RGS3: variants seen among roughly 807,000 people sequenced by gnomAD.
RGS3 encodes regulator of G protein signaling 3, also known as regulator of G-protein signalling 3.
RGS3 carries 80 observed loss-of-function variants against 132.6 expected under a neutral mutation model. That is an observed-to-expected ratio of 0.60 (90% confidence interval 0.50 to 0.73). The LOEUF (loss-of-function observed/expected upper bound fraction) is 0.73. RGS3 is among the 30% of genes least tolerant of loss of function. RGS3 has a pLI of 0.00. For synonymous variants in RGS3, 598 were observed against 620.6 expected (o/e 0.96, Z 0.54); for missense variants, 1,382 against 1,530.8 (o/e 0.90, Z 1.62).
chr9:113,499,226 C>CAAAAA (rs57507668), intron 10 of RGS3, among the ~76,000 whole-genome samples: 2 of 60,690 alleles, frequency 3.3e-5, no homozygotes, highest in South Asian at 5.9e-4. Flanking sequence ...GATTCCATCT[C>CAAAAA]AAAAAAAAAA....
chr9:113,525,301 C>A (rs978344128), intron 17 of RGS3, among the ~76,000 whole-genome samples: 14 of 152,268 alleles, frequency 9.2e-5, no homozygotes, highest in Non-Finnish European at 1.3e-4. Flanking sequence ...AGAGCCCTTG[C>A]CTTCCCCCAG....
At position 113,507,324 on chromosome 9, in the gene RGS3, A is replaced by T; in HGVS notation, c.1123A>T (p.Met375Leu). 1.2e-6 allele frequency: 2 copies of T among 1,613,798 alleles called. No individual in the cohort carries two copies. Among genetic ancestry groups the T allele is most frequent in the Non-Finnish European group, 1.7e-6 (2 of 1,179,960 alleles). ...TGAGATCATCCTACTCGTGTGGCGC[A>T]TGGTCCCCCAGGTCAAGCCAGGACC... Residue 375 changes from methionine to leucine, a missense_variant, in exon 13 of 25, where the codon ATG becomes TTG. By Grantham distance (15) the Met-to-Leu change is conservative (BLOSUM62 2). Transcript: ENST00000350696. The surrounding 1 kb of genome is among the most constrained non-coding windows in gnomAD (Gnocchi z 5.0).
intron 3 of RGS3, among the ~76,000 whole-genome samples, chr9:113,464,814 A>G (rs754259352): frequency 6.6e-6 from 1 of 152,156 alleles, no homozygotes; most frequent in Non-Finnish European, 1.5e-5. Context: ...CCAGCTTTCA[A>G]AGACAGAGTG....
intron 19 of RGS3, among the ~76,000 whole-genome samples, chr9:113,571,024 C>T (rs1049698600): frequency 6.6e-6 from 1 of 152,184 alleles, no homozygotes; most frequent in Admixed American, 6.5e-5. Flanking sequence ...TTCATGCTGA[C>T]TTCTTTTGAT....
At chr9:113,446,835 C>G (rs941045801) in intron 1 of RGS3, among the ~76,000 whole-genome samples, 8 of 152,132 alleles carry the variant, frequency 5.3e-5, no homozygotes, top group Admixed American at 2.6e-4. Flanking sequence ...GTTGATGATC[C>G]TGACAGATTA....
intron 8 of RGS3, among the ~76,000 whole-genome samples, chr9:113,496,333 A>G (rs1484700902): frequency 6.6e-6 from 1 of 152,134 alleles, no homozygotes; most frequent in Non-Finnish European, 1.5e-5. Context: ...TTGGGACCCA[A>G]GACTCCTAGC....
chr9:113,514,666 G>A lies in RGS3; in HGVS notation c.1674+12G>A. On this transcript the variant is annotated intron_variant, in intron 15 of 24. Coordinates refer to ENST00000350696, the Ensembl canonical transcript of RGS3. ...CTGTCTTTGTTCAGGTGAGCCCGTG[G>A]CTGGTCTTAAAGGTTCCCTCAGGAG... 6.2e-7 allele frequency: 1 copy of A among 1,612,330 alleles called. No homozygotes were observed. Among genetic ancestry groups the A allele is most frequent in the Non-Finnish European group, 8.5e-7 (1 of 1,179,568 alleles).
chr9:113,542,581 C>G (rs1396523002), intron 19 of RGS3, among the ~76,000 whole-genome samples: 2 of 152,180 alleles, frequency 1.3e-5, no homozygotes, highest in African/African-American at 4.8e-5. Context: ...CCCCATCCCC[C>G]TGCCTACCCT....
At chr9:113,590,334 C>A (rs943604574) in intron 20 of RGS3, among the ~76,000 whole-genome samples, 4 of 151,646 alleles carry the variant, frequency 2.6e-5, no homozygotes, top group Non-Finnish European at 4.4e-5. Context: ...TCCACTCATC[C>A]ACTCCTTCAT....
intron 19 of RGS3, among the ~76,000 whole-genome samples, chr9:113,572,925 G>C (rs1834354331): frequency 6.6e-6 from 1 of 152,254 alleles, no homozygotes; most frequent in Admixed American, 6.5e-5. Flanking sequence ...GTAAGGGTCA[G>C]AATACGTCAA....
chr9:113,498,101 G>A (rs760110044), intron 10 of RGS3, 21 bp downstream of exon 8: 2 of 1,612,296 alleles, frequency 1.2e-6, no homozygotes, highest in Middle Eastern at 1.7e-4. Context: ...ACAAGCTAGG[G>A]CATTGCTCCA....
chr9:113,490,717 A>AAAT, intron 7 of RGS3, among the ~76,000 whole-genome samples: 3 of 142,566 alleles, frequency 2.1e-5, no homozygotes, highest in African/African-American at 5.1e-5. Flanking sequence ...ATATTGGTAT[A>AAAT]TATAATTATA....
chr9:113,517,545 T>C, exon 16 of RGS3: 1 of 1,613,016 alleles, frequency 6.2e-7, no homozygotes, highest in East Asian at 2.2e-5. Flanking sequence ...TTCCAGCCTC[T>C]AGATCTCTGT....
chr9:113,458,714 C>T (rs535883626), upstream of RGS3, among the ~76,000 whole-genome samples: 23 of 152,146 alleles, frequency 1.5e-4, no homozygotes, highest in African/African-American at 4.6e-4. Context: ...GGCCTAGTTT[C>T]GCCACATTTT....
chr9:113,516,338 A>G (rs1831660263), intron 15 of RGS3, among the ~76,000 whole-genome samples: 1 of 151,382 alleles, frequency 6.6e-6, no homozygotes, highest in Non-Finnish European at 1.5e-5. Flanking sequence ...TGGCATCTAC[A>G]ATGTCTAATT....
chr9:113,487,407 G>A (rs959477857), intron 7 of RGS3, among the ~76,000 whole-genome samples: 4 of 152,148 alleles, frequency 2.6e-5, no homozygotes, highest in African/African-American at 7.2e-5. Context: ...CACCGCGCCC[G>A]GCCTGTCTCA....
intron 1 of RGS3, among the ~76,000 whole-genome samples, chr9:113,450,785 A>C (rs1243836576): frequency 1.3e-5 from 2 of 152,140 alleles, no homozygotes; most frequent in Non-Finnish European, 2.9e-5. Context: ...AACTCAGGCA[A>C]GGGGGATGAG....
chr9:113,486,650 G>A (rs112348193), intron 7 of RGS3, among the ~76,000 whole-genome samples: 6,000 of 152,294 alleles, frequency 0.039, 164 homozygotes, highest in South Asian at 0.1. Flanking sequence ...TATCATTTGC[G>A]GAGCAATCAC....
chr9:113,451,668 A>G (rs1263561346), intron 1 of RGS3, among the ~76,000 whole-genome samples: 2 of 150,850 alleles, frequency 1.3e-5, no homozygotes, highest in Admixed American at 1.3e-4. Flanking sequence ...TACAGGATGC[A>G]GGGAGCTCTG....
Sources: allele counts gnomAD v4.1 joint callset (sites outside exome capture counted in the v4.1 genomes callset), GRCh38; gene constraint gnomAD v4.1.1; non-coding constraint Gnocchi (gnomAD v3.1); transcripts MANE v1.5; gene names NCBI Gene and HGNC (gene_info 2026-07-23, HGNC 2026-07-21).